SAP130: variants seen among roughly 807,000 people sequenced by gnomAD.
SAP130 encodes Sin3A associated protein 130.
In SAP130, 16 loss-of-function variants were observed where a neutral mutation model predicts 103.2. The ratio of observed to expected loss-of-function variants is 0.16; its 90% confidence interval spans 0.10 to 0.24. The LOEUF (loss-of-function observed/expected upper bound fraction) is 0.24, where lower values mean the gene tolerates loss of function less well. SAP130 is among the 10% of genes least tolerant of loss of function. The pLI, the probability that SAP130 is intolerant of heterozygous loss-of-function variation, is 1.00. For synonymous variants in SAP130, 477 were observed against 497.0 expected (o/e 0.96, Z 0.53); for missense variants, 990 against 1,359.7 (o/e 0.73, Z 4.28).
intron 16 of SAP130, among the ~76,000 whole-genome samples, chr2:127,950,882 G>A (rs1559032637): frequency 6.6e-6 from 1 of 152,182 alleles, no homozygotes; most frequent in African/African-American, 2.4e-5. Context: ...GCAAAGAGGT[G>A]GAAGGAGCCT....
In SAP130 at chr2:127,996,822, C is replaced by T. The variant is rs1247247766; in HGVS notation, c.1214-331G>A. Among the ~76,000 whole-genome samples, 2 of 151,918 alleles carry T rather than the reference C, an allele frequency of 1.3e-5. No homozygotes were observed. Among genetic ancestry groups the T allele is most frequent in the Admixed American group, 1.3e-4 (2 of 15,246 alleles). ...ATCTCAGCACTGTGGGAGGCTGAGG[C>T]GGGAGGATCACTTGAGTTCAGGAGT... On this transcript the variant is annotated intron_variant, in intron 10 of 20. Transcript: ENST00000643581. This position sits in a 1 kb window ranked among gnomAD's most constrained non-coding sequence, Gnocchi z 4.3.
chr2:127,948,525 A>T (rs997423443), intron 18 of SAP130, among the ~76,000 whole-genome samples: 3 of 151,314 alleles, frequency 2.0e-5, no homozygotes, highest in African/African-American at 7.3e-5. Flanking sequence ...TGTTTTTAGT[A>T]GAGACAGGGT....
At chr2:128,027,497 G>A (rs1282554342) in intron 1 of SAP130, among the ~76,000 whole-genome samples, 1 of 151,848 alleles carries the variant, frequency 6.6e-6, no homozygotes, top group African/African-American at 2.4e-5. Flanking sequence ...GAAGACAGGC[G>A]CCCCCGGCGA....
intron 2 of SAP130, among the ~76,000 whole-genome samples, chr2:128,021,603 C>T (rs1401247825): frequency 3.3e-5 from 5 of 152,130 alleles, no homozygotes; most frequent in African/African-American, 4.8e-5. Flanking sequence ...TAGAATACCA[C>T]CACTGGTTTA....
chr2:127,946,450 G>T (rs1055173755), intron 18 of SAP130, among the ~76,000 whole-genome samples: 3 of 152,112 alleles, frequency 2.0e-5, no homozygotes, highest in Non-Finnish European at 4.4e-5. Flanking sequence ...TCATGAAAAG[G>T]TGTTTAATTT....
intron 2 of SAP130, among the ~76,000 whole-genome samples, chr2:128,025,550 C>G (rs1363614561): frequency 6.6e-6 from 1 of 152,206 alleles, no homozygotes; most frequent in East Asian, 1.9e-4. Flanking sequence ...TGCATCTGTA[C>G]TAAGCACATA....
At chr2:127,991,708 C>T (rs1041118781) in intron 12 of SAP130, among the ~76,000 whole-genome samples, 12 of 152,168 alleles carry the variant, frequency 7.9e-5, no homozygotes, top group South Asian at 2.1e-4. Context: ...TTTTACTCTT[C>T]GAGTACATCT....
rs1682400842 is a variant in SAP130 at position 127,986,464 on chromosome 2, T to C, written c.1958+321A>G. Among the ~76,000 whole-genome samples the C allele has an allele frequency of 6.6e-6, 1 of 152,240 alleles. No homozygotes were observed. The highest frequency in any genetic ancestry group is 2.4e-5 in the African/African-American group (1 of 41,462). The stretch of plus-strand genomic sequence containing the variant: ...TATAGTATGAGTTAAGGTAACTACC[T>C]ACACAAGCCCAAGAGTTACTTATAA... On this transcript the variant is annotated intron_variant, in intron 14 of 20. Transcript: ENST00000643581. The surrounding 1 kb of genome is among the most constrained non-coding windows in gnomAD (Gnocchi z 4.7).
At chr2:128,002,513 C>A (rs751673098) in intron 7 of SAP130, among the ~76,000 whole-genome samples, 2 of 151,374 alleles carry the variant, frequency 1.3e-5, no homozygotes, top group Non-Finnish European at 2.9e-5. Flanking sequence ...TGGGTGACAG[C>A]GCAAGAGTCT....
intron 15 of SAP130, among the ~76,000 whole-genome samples, chr2:127,961,517 C>CTT (rs10709267): frequency 3.1e-5 from 4 of 129,388 alleles, no homozygotes; most frequent in African/African-American, 1.1e-4. Flanking sequence ...TCATACCTTG[C>CTT]TTTTTTTTTT....
At chr2:127,976,686 C>T (rs890694004) in intron 15 of SAP130, among the ~76,000 whole-genome samples, 44 of 152,150 alleles carry the variant, frequency 2.9e-4, no homozygotes, top group Non-Finnish European at 1.9e-4. Flanking sequence ...CCAAGGCGGG[C>T]GGTTCACGAG....
At chr2:128,024,644 T>C (rs1685377345) in intron 2 of SAP130, among the ~76,000 whole-genome samples, 1 of 151,200 alleles carries the variant, frequency 6.6e-6, no homozygotes, top group African/African-American at 2.4e-5. Flanking sequence ...GTGGATCACT[T>C]GAAGTCTGGA....
At chr2:128,019,244 A>G (rs1230054398) in intron 2 of SAP130, among the ~76,000 whole-genome samples, 4 of 152,018 alleles carry the variant, frequency 2.6e-5, no homozygotes, top group African/African-American at 9.7e-5. Flanking sequence ...CCAGAAGACA[A>G]TCTATTTAAA....
chr2:127,975,088 C>T (rs569196829), intron 15 of SAP130, among the ~76,000 whole-genome samples: 3 of 152,182 alleles, frequency 2.0e-5, no homozygotes, highest in Non-Finnish European at 4.4e-5. Flanking sequence ...GTCCCCAAAT[C>T]ACCATGTAAC....
chr2:128,027,830 C>G (rs914961638), intron 1 of SAP130, 110 bp downstream of exon 1: 2 of 713,056 alleles, frequency 2.8e-6, no homozygotes, highest in Non-Finnish European at 3.4e-6. Context: ...AGACGAGGAT[C>G]CTCTGCCCTT....
At chr2:127,975,253 G>T (rs1681376371) in intron 15 of SAP130, among the ~76,000 whole-genome samples, 1 of 152,146 alleles carries the variant, frequency 6.6e-6, no homozygotes. Flanking sequence ...AAACCAATGT[G>T]AAATTTTAAG....
chr2:127,965,170 A>AT (rs1327772039), intron 15 of SAP130, among the ~76,000 whole-genome samples: 1 of 151,010 alleles, frequency 6.6e-6, no homozygotes, highest in African/African-American at 2.4e-5. Context: ...GGTGGTGTGC[A>AT]CCTGTAGTCC....
intron 16 of SAP130, 21 bp from the exon 17 acceptor site, chr2:127,950,429 C>A: frequency 1.2e-6 from 2 of 1,612,400 alleles, no homozygotes; most frequent in Non-Finnish European, 1.7e-6. Context: ...AAAAGGAGCA[C>A]ACATATCTGT....
Position 127,942,244 on chromosome 2 carries a change from G to A in SAP130, c.3016-80C>T. On this transcript the variant is annotated intron_variant, in intron 20 of 20. Transcript: ENST00000643581. The surrounding 1 kb of genome is among the most constrained non-coding windows in gnomAD (Gnocchi z 4.8). ...TTAAAAAACTGCTTGCCTTTGGGCAGAGGCCATGTTGAGGCTTCCACAACA... is the reference window on the plus strand; with the variant it reads ...TTAAAAAACTGCTTGCCTTTGGGCAAAGGCCATGTTGAGGCTTCCACAACA... The A allele has an allele frequency of 7.2e-7, 1 of 1,382,056 alleles. No homozygotes were observed. Among genetic ancestry groups the A allele is most frequent in the Non-Finnish European group, 9.9e-7 (1 of 1,007,244 alleles). 85.6% of individuals were successfully genotyped at this position (1,382,056 alleles called of 1,614,324 possible). A position where few individuals can be genotyped will look rare whatever the true frequency, so the allele number is the denominator to read the frequency against.
Sources: allele counts gnomAD v4.1 joint callset (sites outside exome capture counted in the v4.1 genomes callset), GRCh38; gene constraint gnomAD v4.1.1; non-coding constraint Gnocchi (gnomAD v3.1); transcripts MANE v1.5; gene names NCBI Gene and HGNC (gene_info 2026-07-23, HGNC 2026-07-21).